ARHGEF28: variants seen among roughly 807,000 people sequenced by gnomAD.
ARHGEF28 encodes the protein Rho guanine nucleotide exchange factor 28, also known as 190 kDa guanine nucleotide exchange factor.
Under a neutral mutation model 206.6 loss-of-function variants are expected in ARHGEF28, and 152 were observed. That is an observed-to-expected ratio of 0.74 (90% CI 0.64 to 0.84). ARHGEF28 has a LOEUF of 0.84. Among genes scored for constraint, ARHGEF28 ranks in the 40% least tolerant of loss-of-function variants. The pLI is 0.00. For missense variants in ARHGEF28, 2,028 were observed against 2,073.2 expected, an observed-to-expected ratio of 0.98 and a Z score of 0.42; for synonymous variants, 763 against 776.4, an observed-to-expected ratio of 0.98 and a Z score of 0.29.
Position 73,870,162 on chromosome 5 carries a change from G to A in ARHGEF28, c.2519G>A (p.Cys840Tyr). Residue 840 changes from cysteine to tyrosine, a missense_variant, in exon 21 of 36, where the codon TGT becomes TAT. Cys to Tyr is a radical substitution (Grantham distance 194, BLOSUM62 -2). Coordinates refer to ENST00000513042, the MANE Select transcript of ARHGEF28 (RefSeq NM_001177693.2). Reference sequence around the variant, plus strand: ...AGTCTTGTGGTGGATCCCTCATTTTGTAATAGGCAGGAGAAGGATGTCATC... The same window carrying A: ...AGTCTTGTGGTGGATCCCTCATTTTATAATAGGCAGGAGAAGGATGTCATC... ...SWSLVVDPSF[C>Y]NRQEKDVIKR... 1 of 1,613,884 alleles carries A rather than the reference G, an allele frequency of 6.2e-7. No individual in the cohort carries two copies. Among genetic ancestry groups the A allele is most frequent in the Non-Finnish European group, 8.5e-7 (1 of 1,179,860 alleles).
chr5:73,791,290 A>G (rs1282156376), intron 7 of ARHGEF28, among the ~76,000 whole-genome samples: 1 of 152,222 alleles, frequency 6.6e-6, no homozygotes, highest in African/African-American at 2.4e-5. Flanking sequence ...TTCAAAGACT[A>G]TGAACTACCC....
At chr5:73,883,292 T>C (rs373581080) in intron 23 of ARHGEF28, among the ~76,000 whole-genome samples, 1 of 152,158 alleles carries the variant, frequency 6.6e-6, no homozygotes, top group African/African-American at 2.4e-5. Context: ...CATAAATGTG[T>C]GTTGAGGACT....
At chr5:73,934,718 A>C (rs889134025) in intron 35 of ARHGEF28, among the ~76,000 whole-genome samples, 1 of 152,206 alleles carries the variant, frequency 6.6e-6, no homozygotes, top group Non-Finnish European at 1.5e-5. Flanking sequence ...GGGATGCTGC[A>C]TACTGGTTTT....
intron 11 of ARHGEF28, among the ~76,000 whole-genome samples, chr5:73,845,605 C>A (rs993376145): frequency 6.6e-6 from 1 of 152,142 alleles, no homozygotes; most frequent in Non-Finnish European, 1.5e-5. Context: ...TGATGGGTTA[C>A]CATTTGGGAC....
At chr5:73,753,860 G>A (rs1291216342) in intron 4 of ARHGEF28, among the ~76,000 whole-genome samples, 2 of 152,142 alleles carry the variant, frequency 1.3e-5, no homozygotes, top group Admixed American at 1.3e-4. Flanking sequence ...TTGAGAGATG[G>A]GGTCTCACTG....
In ARHGEF28 at chr5:73,776,645, A is replaced by G. The variant is rs370220511; in HGVS notation, c.789A>G (p.Ala263=). Residue 263 remains alanine, a synonymous_variant, in exon 6 of 36, where the codon GCA becomes GCG. Transcript: ENST00000513042. ...LNHTAEHLLE[A]DIKLFRKYFW... The stretch of plus-strand genomic sequence containing the variant: ...ACACAGCCGAGCATTTGTTGGAGGC[A>G]GATATTAAACTCTTCCGGAAATACT... 2 of 1,613,814 alleles carry G rather than the reference A, an allele frequency of 1.2e-6. No individual in the cohort carries two copies. Among genetic ancestry groups the G allele is most frequent in the African/African-American group, 2.7e-5 (2 of 74,928 alleles).
chr5:73,758,523 A>G (rs181230373), intron 4 of ARHGEF28, among the ~76,000 whole-genome samples: 41 of 152,232 alleles, frequency 2.7e-4, no homozygotes, highest in African/African-American at 9.4e-4. Context: ...TGTTATATCC[A>G]TCATAAAAAC....
intron 9 of ARHGEF28, among the ~76,000 whole-genome samples, chr5:73,798,090 AAG>A (rs1193244921): frequency 6.6e-6 from 1 of 151,752 alleles, no homozygotes; most frequent in African/African-American, 2.4e-5. Context: ...TATTTTTTTT[AAG>A]TTGTTGTGGT....
intron 10 of ARHGEF28, among the ~76,000 whole-genome samples, chr5:73,833,975 C>T (rs1485229095): frequency 6.6e-6 from 1 of 152,130 alleles, no homozygotes; most frequent in East Asian, 1.9e-4. Flanking sequence ...GATGGGGACA[C>T]AGTGCCAAAC....
At chr5:73,713,782 A>G (rs1366057931) in intron 2 of ARHGEF28, among the ~76,000 whole-genome samples, 1 of 152,212 alleles carries the variant, frequency 6.6e-6, no homozygotes, top group African/African-American at 2.4e-5. Flanking sequence ...TTTTATGCAC[A>G]TCTTAAAGGA....
intron 1 of ARHGEF28, among the ~76,000 whole-genome samples, chr5:73,628,752 G>A (rs1743170597): frequency 6.6e-6 from 1 of 152,180 alleles, no homozygotes; most frequent in South Asian, 2.1e-4. Context: ...CTGTAAATAT[G>A]CCACCCTGTC....
chr5:73,857,506 TTTTCTC>T, intron 14 of ARHGEF28, 144 bp from the exon 15 acceptor site: 4 of 719,928 alleles, frequency 5.6e-6, no homozygotes, highest in Non-Finnish European at 6.5e-6. Context: ...AATGAATTGT[TTTTCTC>T]TTTAGAACAG....
chr5:73,732,009 A>G (rs1750648836), intron 2 of ARHGEF28, among the ~76,000 whole-genome samples: 1 of 146,454 alleles, frequency 6.8e-6, no homozygotes. Flanking sequence ...ATCACAATTT[A>G]GTGAACTTTT....
chr5:73,878,522 A>T (rs1272971493), intron 22 of ARHGEF28, among the ~76,000 whole-genome samples: 1 of 151,440 alleles, frequency 6.6e-6, no homozygotes. Context: ...CCTAGTCTCG[A>T]TGGTCTTTAC....
At chr5:73,700,541 G>C (rs1748534753) in intron 2 of ARHGEF28, among the ~76,000 whole-genome samples, 1 of 152,152 alleles carries the variant, frequency 6.6e-6, no homozygotes, top group Non-Finnish European at 1.5e-5. Flanking sequence ...TATAGAGGAG[G>C]AATAAGTTCA....
At chr5:73,804,470 G>GTTCCGCAAACATTGTTTTAGCATCGT (rs1470077859) in intron 9 of ARHGEF28, among the ~76,000 whole-genome samples, 8 of 152,144 alleles carry the variant, frequency 5.3e-5, no homozygotes, top group African/African-American at 1.9e-4. Flanking sequence ...TTTAGCATCG[G>GTTCCGCAAACATTGTTTTAGCATCGT]TTCCACAAAC....
chr5:73,805,484 A>C (rs2112505763), intron 9 of ARHGEF28, among the ~76,000 whole-genome samples: 1 of 152,342 alleles, frequency 6.6e-6, no homozygotes, highest in South Asian at 2.1e-4. Context: ...TAAAGGCAAA[A>C]GAAACTACAA....
At chr5:73,850,173 T>C (rs560863034) in intron 13 of ARHGEF28, among the ~76,000 whole-genome samples, 7 of 151,908 alleles carry the variant, frequency 4.6e-5, no homozygotes, top group African/African-American at 1.7e-4. Context: ...ATGACATATA[T>C]GCTAGATGTT....
chr5:73,763,168 C>T (rs1752701919), intron 4 of ARHGEF28, among the ~76,000 whole-genome samples: 2 of 152,194 alleles, frequency 1.3e-5, no homozygotes, highest in African/African-American at 4.8e-5. Flanking sequence ...ACCTCCCCTT[C>T]CTCCCTCCAG....
Sources: gnomAD v4.1 joint callset for allele counts (sites outside exome capture counted in the v4.1 genomes callset) on GRCh38, gnomAD v4.1.1 for gene constraint, MANE v1.5 for transcripts, NCBI Gene and HGNC (gene_info 2026-07-23, HGNC 2026-07-21) for gene names.